The following MPP7 variants were observed in gnomAD, a reference collection of about 807,000 sequenced individuals.
MPP7 encodes MAGUK p55 subfamily member 7.
Under a neutral mutation model 76.5 loss-of-function variants are expected in MPP7, and 60 were observed. The ratio of observed to expected loss-of-function variants is 0.78; its 90% CI spans 0.64 to 0.97. The LOEUF (loss-of-function observed/expected upper bound fraction) is 0.97, where lower values mean the gene tolerates loss of function less well. MPP7 is among the 50% of genes least tolerant of loss of function. MPP7 has a pLI of 0.00. For synonymous variants in MPP7, 237 were observed against 244.5 expected, an observed-to-expected ratio of 0.97 and a Z score of 0.29; for missense variants, 641 against 694.0, an observed-to-expected ratio of 0.92 and a Z score of 0.86.
intron 11 of MPP7, chr10:28,118,296 C>G: frequency 1.0e-6 from 1 of 980,756 alleles, no homozygotes; most frequent in Non-Finnish European, 1.2e-6. Context: ...TAAAGAAATA[C>G]ATATACACTT....
chr10:28,146,387 T>G (rs866991237), intron 5 of MPP7, among the ~76,000 whole-genome samples: 21 of 140,580 alleles, frequency 1.5e-4, no homozygotes, highest in Middle Eastern at 3.7e-3. Context: ...TCCACGCATG[T>G]TTTTTTTTTG....
chr10:28,067,707 A>C (rs1852047404), intron 13 of MPP7, among the ~76,000 whole-genome samples: 2 of 152,158 alleles, frequency 1.3e-5, no homozygotes, highest in African/African-American at 4.8e-5. Context: ...CCATAATATC[A>C]CATCTCTCAT....
At chr10:28,267,776 C>T (rs1468556570) in intron 1 of MPP7, among the ~76,000 whole-genome samples, 1 of 152,128 alleles carries the variant, frequency 6.6e-6, no homozygotes, top group East Asian at 1.9e-4. Flanking sequence ...TGGCTCACAC[C>T]TGTAATTCCA....
At chr10:28,055,770 T>C (rs1851529137) in intron 16 of MPP7, among the ~76,000 whole-genome samples, 1 of 152,226 alleles carries the variant, frequency 6.6e-6, no homozygotes, top group Non-Finnish European at 1.5e-5. Context: ...CTGATGGTAT[T>C]TTTAGCTTTA....
Position 28,224,672 on chromosome 10 carries a change from T to C in MPP7, c.37+13896A>G, listed in dbSNP as rs17831792. 6.6e-5 allele frequency among the ~76,000 whole-genome samples: 10 copies of C among 152,304 alleles called. No homozygotes were observed. In the East Asian group the frequency reaches 1.5e-3, roughly 24 times the overall value. ...CCCCATTTAACGTAGATTAATTTTA[T>C]ATGGCCCTTTTCTTCCATCCATTAC... On this transcript the variant is annotated intron_variant, in intron 2 of 16. Transcript: ENST00000683449.
At chr10:28,307,379 T>C (rs960905536), upstream of MPP7, among the ~76,000 whole-genome samples, 1 of 152,200 alleles carries the variant, frequency 6.6e-6, no homozygotes, top group Non-Finnish European at 1.5e-5. Context: ...CTATCTGAAG[T>C]GTACCTCCTG....
intron 5 of MPP7, among the ~76,000 whole-genome samples, chr10:28,145,204 T>C (rs1024824436): frequency 8.5e-5 from 13 of 152,188 alleles, no homozygotes; most frequent in Admixed American, 7.9e-4. Flanking sequence ...TGAGCCACCG[T>C]GCCTGGCCGT....
intron 1 of MPP7, among the ~76,000 whole-genome samples, chr10:28,291,324 G>C (rs1049380544): frequency 6.6e-6 from 1 of 152,222 alleles, no homozygotes; most frequent in African/African-American, 2.4e-5. Context: ...GACTGATATT[G>C]GCAGGGTACG....
At chr10:28,305,710 G>A (rs1331196876), upstream of MPP7, 5 of 152,172 alleles carry the variant, frequency 3.3e-5, no homozygotes, top group Non-Finnish European at 5.9e-5. Flanking sequence ...AGGGAGCAGG[G>A]GATCTAATGC....
intron 3 of MPP7, among the ~76,000 whole-genome samples, chr10:28,158,534 C>G (rs920192412): frequency 6.6e-5 from 10 of 152,154 alleles, no homozygotes; most frequent in African/African-American, 2.4e-4. Context: ...AGGACAAACT[C>G]TAGCTCCTAT....
intron 1 of MPP7, among the ~76,000 whole-genome samples, chr10:28,281,781 T>C (rs961359758): frequency 3.9e-5 from 6 of 152,048 alleles, no homozygotes; most frequent in African/African-American, 1.2e-4. Flanking sequence ...AGAGAATAAA[T>C]AACTTGTCTA....
At chr10:28,076,929 T>C (rs996191867) in intron 12 of MPP7, among the ~76,000 whole-genome samples, 1 of 151,988 alleles carries the variant, frequency 6.6e-6, no homozygotes, top group Non-Finnish European at 1.5e-5. Flanking sequence ...CAGCCTGCCT[T>C]GTCCCTCAAG....
At chr10:28,226,999 A>T (rs1037448667) in intron 2 of MPP7, among the ~76,000 whole-genome samples, 1 of 152,212 alleles carries the variant, frequency 6.6e-6, no homozygotes, top group African/African-American at 2.4e-5. Context: ...TATGACAAAC[A>T]TTGAGGCATA....
intron 16 of MPP7, among the ~76,000 whole-genome samples, chr10:28,055,008 A>G (rs747723067): frequency 1.3e-5 from 2 of 149,790 alleles, no homozygotes; most frequent in Non-Finnish European, 3.0e-5. Context: ...TGTCTCATTA[A>G]AAGTGTTTCA....
At chr10:28,239,563 G>T (rs572131404) in intron 1 of MPP7, among the ~76,000 whole-genome samples, 5 of 152,274 alleles carry the variant, frequency 3.3e-5, no homozygotes, top group African/African-American at 1.2e-4. Flanking sequence ...TGTTATTATA[G>T]ATTTACAGAA....
intron 3 of MPP7, among the ~76,000 whole-genome samples, chr10:28,159,761 T>C (rs970976162): frequency 6.6e-6 from 1 of 152,218 alleles, no homozygotes; most frequent in African/African-American, 2.4e-5. Flanking sequence ...CACTGGGCTT[T>C]CCATATGCCT....
chr10:28,080,431 C>T (rs935283624), intron 12 of MPP7, among the ~76,000 whole-genome samples: 5 of 152,256 alleles, frequency 3.3e-5, no homozygotes, highest in African/African-American at 1.2e-4. Flanking sequence ...CTGTCTGTGT[C>T]CCCAACTCTC....
At chr10:28,283,464 C>T (rs991615858) in intron 1 of MPP7, among the ~76,000 whole-genome samples, 1 of 152,026 alleles carries the variant, frequency 6.6e-6, no homozygotes, top group African/African-American at 2.4e-5. Flanking sequence ...CAAGAAATGA[C>T]CGCTCTTAAT....
At chr10:28,149,582 G>C (rs1447471828) in intron 4 of MPP7, among the ~76,000 whole-genome samples, 1 of 151,930 alleles carries the variant, frequency 6.6e-6, no homozygotes, top group African/African-American at 2.4e-5. Context: ...CATATGCCTC[G>C]TTCGTATCCT....
Sources: gnomAD v4.1 joint callset for allele counts (sites outside exome capture counted in the v4.1 genomes callset) on GRCh38, gnomAD v4.1.1 for gene constraint, MANE v1.5 for transcripts, NCBI Gene and HGNC (gene_info 2026-07-23, HGNC 2026-07-21) for gene names.